LARP4: variants seen among roughly 807,000 people sequenced by gnomAD.
LARP4 encodes la-related protein 4.
A neutral mutation model predicts 92.9 loss-of-function variants in LARP4; 29 were observed. The observed-to-expected ratio is 0.31, with a 90% CI of 0.23 to 0.43. LARP4 has a LOEUF of 0.43. Among genes scored for constraint, LARP4 ranks in the 20% least tolerant of loss-of-function variants. The pLI is 1.00. For missense variants in LARP4, 732 were observed against 860.0 expected (o/e 0.85, Z 1.86); for synonymous variants, 279 against 284.1 (o/e 0.98, Z 0.18).
chr12:50,462,476 CA>C (rs5798139), intron 11 of LARP4, 105 bp from the exon 12 acceptor site: 7,903 of 458,566 alleles, frequency 0.017, no homozygotes, highest in South Asian at 0.024. Flanking sequence ...GACTCCATCT[CA>C]AAAAAAAAAA....
chr12:50,471,067 T>G (rs1222043614), intron 13 of LARP4, among the ~76,000 whole-genome samples: 1 of 152,038 alleles, frequency 6.6e-6, no homozygotes, highest in Non-Finnish European at 1.5e-5. Flanking sequence ...GGTGGGAGGA[T>G]CACTTGAGGC....
At chr12:50,466,885 C>T (rs1593417950) in intron 12 of LARP4, 74 bp from the exon 13 acceptor site, 1 of 1,401,534 alleles carries the variant, frequency 7.1e-7, no homozygotes, top group East Asian at 2.3e-5. Flanking sequence ...TTTTCTTGCA[C>T]CTTTCAGCTT....
Position 50,422,781 on chromosome 12 carries a change from ATATTATTATTATTATTAT to A in LARP4, c.19-4946_19-4929del, listed in dbSNP as rs145036648. Among the ~76,000 whole-genome samples the A allele has an allele frequency of 2.7e-3, 373 of 138,602 alleles. 3 individuals carry two copies. The highest frequency in any genetic ancestry group is 8.6e-3 in the South Asian group (37 of 4,326). 90.9% of individuals were successfully genotyped at this position (138,602 alleles called of 152,430 possible). On this transcript the variant is annotated intron_variant, in intron 1 of 15. Transcript: ENST00000398473. ...CCAACTCTATGCCAGTTGGGAAATT[ATATTATTATTATTATTAT>A]TATTATTATTATTATTATTATTATT...
At chr12:50,450,103 T>G (rs1489870320) in intron 8 of LARP4, among the ~76,000 whole-genome samples, 1 of 151,728 alleles carries the variant, frequency 6.6e-6, no homozygotes, top group Non-Finnish European at 1.5e-5. Flanking sequence ...CCAGCTAATT[T>G]TTTGTGTTTT....
chr12:50,412,506 ATGG>A lies in LARP4; in HGVS notation c.18+11481_18+11483del, dbSNP rs1592783320. 3 of 736,266 alleles carry A rather than the reference ATGG, an allele frequency of 4.1e-6. No homozygotes were observed. In the East Asian group the frequency reaches 3.9e-4, roughly 95 times the overall value. 45.6% of individuals were successfully genotyped at this position (736,266 alleles called of 1,614,324 possible). On this transcript the variant is annotated intron_variant, in intron 1 of 15. Transcript: ENST00000398473. ...CCGAAGAGACGGTTTTACCATATTTATGGTGATTTTCTTCCTAACTCATGGTTC... is the reference window on the plus strand; with the variant it reads ...CCGAAGAGACGGTTTTACCATATTTATGATTTTCTTCCTAACTCATGGTTC...
At chr12:50,411,097 G>A (rs1945805155) in intron 1 of LARP4, among the ~76,000 whole-genome samples, 1 of 152,036 alleles carries the variant, frequency 6.6e-6, no homozygotes, top group Admixed American at 6.6e-5. Flanking sequence ...ATAGTAGTAA[G>A]CTCCTTTTAA....
At chr12:50,438,864 G>A (rs1282215129) in intron 6 of LARP4, among the ~76,000 whole-genome samples, 1 of 152,112 alleles carries the variant, frequency 6.6e-6, no homozygotes, top group Non-Finnish European at 1.5e-5. Context: ...CCATGATAAG[G>A]TGATATACAT....
chr12:50,401,179 G>A (rs550930321), intron 1 of LARP4, 151 bp downstream of exon 1: 1 of 806,322 alleles, frequency 1.2e-6, no homozygotes, highest in South Asian at 1.4e-5. Context: ...CAGGCCTGCA[G>A]CTTCCCTCTG....
chr12:50,453,821 T>C lies in LARP4; in HGVS notation c.1017+149T>C, dbSNP rs568195784. ...TTATTTTTTGTATTTTTCGTAGAGATGGAATTTTGCCATGTTGCCCAGGCT... is the reference window on the plus strand; with the variant it reads ...TTATTTTTTGTATTTTTCGTAGAGACGGAATTTTGCCATGTTGCCCAGGCT... On this transcript the variant is annotated intron_variant, in intron 9 of 15. Transcript: ENST00000398473. 4.3e-4 allele frequency: 255 copies of C among 588,114 alleles called. No homozygotes were observed. The African/African-American group carries it at 4.7e-3, about 11-fold the overall frequency. The allele number at this position is 588,114 out of a possible 1,614,324, so 36.4% of individuals were successfully genotyped here.
chr12:50,419,521 C>CA (rs1206702221), intron 1 of LARP4, among the ~76,000 whole-genome samples: 2 of 152,082 alleles, frequency 1.3e-5, no homozygotes, highest in African/African-American at 4.8e-5. Context: ...CTATTATTTC[C>CA]AAAAAACTCA....
At chr12:50,406,591 A>G (rs573086305) in intron 1 of LARP4, among the ~76,000 whole-genome samples, 1 of 152,244 alleles carries the variant, frequency 6.6e-6, no homozygotes, top group African/African-American at 2.4e-5. Context: ...GGCACACCAT[A>G]GCCTCAAATT....
At chr12:50,457,935 C>CT (rs58926495) in intron 10 of LARP4, among the ~76,000 whole-genome samples, 15,933 of 140,022 alleles carry the variant, frequency 0.11, 1,445 homozygotes, top group East Asian at 0.45. Context: ...CTCAACCCAA[C>CT]TTTTTTTTTT....
chr12:50,474,671 T>A (rs1957355633), intron 15 of LARP4, among the ~76,000 whole-genome samples: 1 of 152,168 alleles, frequency 6.6e-6, no homozygotes, highest in African/African-American at 2.4e-5. Flanking sequence ...TGATTGCTTT[T>A]TTTCTGTTCA....
Position 50,428,057 on chromosome 12 carries a change from G to A in LARP4, c.166+148G>A, listed in dbSNP as rs576342086. The A allele has an allele frequency of 8.0e-5, 40 of 499,812 alleles. No homozygotes were observed. The East Asian group carries it at 9.5e-4, about 12-fold the overall frequency. 31.0% of individuals were successfully genotyped at this position (499,812 alleles called of 1,614,324 possible). ...GTCACCCAGGCTGGAGTACAGTGGC[G>A]CAGTCTTCACTCACTGCAACCTCCA... On this transcript the variant is annotated intron_variant, in intron 2 of 15. Coordinates refer to ENST00000398473, the MANE Select transcript of LARP4 (RefSeq NM_052879.5).
intron 5 of LARP4, 125 bp from the exon 6 acceptor site, chr12:50,437,610 T>G (rs1307545876): frequency 1.2e-5 from 7 of 560,464 alleles, no homozygotes; most frequent in Non-Finnish European, 2.2e-5. Flanking sequence ...CTTAGTTTCT[T>G]TAGGATATTA....
At position 50,421,972 on chromosome 12, in the gene LARP4, A is replaced by ATT. The variant is rs34349709; in HGVS notation, c.19-5776_19-5775dup. On this transcript the variant is annotated intron_variant, in intron 1 of 15. Coordinates refer to ENST00000398473, the MANE Select transcript of LARP4 (RefSeq NM_052879.5). ...AGATATTAATACTTACATTGGTTGGATTTTTTTTTTTTTTTGAGATGGAGT... is the reference window on the plus strand; with the variant it reads ...AGATATTAATACTTACATTGGTTGGATTTTTTTTTTTTTTTTTGAGATGGAGT... 3.3e-4 allele frequency among the ~76,000 whole-genome samples: 46 copies of ATT among 141,420 alleles called. 1 individual carries two copies. The highest frequency in any genetic ancestry group is 2.0e-3 in the South Asian group (9 of 4,478). 92.8% of individuals were successfully genotyped at this position (141,420 alleles called of 152,430 possible).
chr12:50,454,172 TTGCAGAAA>T (rs759810039), intron 9 of LARP4, 134 bp from the exon 10 acceptor site: 2 of 594,988 alleles, frequency 3.4e-6, no homozygotes, highest in Non-Finnish European at 5.9e-6. Flanking sequence ...GAAGTGAATA[TTGCAGAAA>T]TGAATCAGTA....
At chr12:50,454,245 G>T in intron 9 of LARP4, 69 bp from the exon 10 acceptor site, 1 of 1,133,244 alleles carries the variant, frequency 8.8e-7, no homozygotes, top group Non-Finnish European at 1.3e-6. Context: ...GCTCATTAAG[G>T]TTCTTGTGAC....
chr12:50,463,036 G>A (rs1254560634), intron 12 of LARP4, among the ~76,000 whole-genome samples: 1 of 151,974 alleles, frequency 6.6e-6, no homozygotes, highest in African/African-American at 2.4e-5. Context: ...CTTCTAGGGA[G>A]AGGCAGAGGA....
Sources: allele counts gnomAD v4.1 joint callset (sites outside exome capture counted in the v4.1 genomes callset), GRCh38; gene constraint gnomAD v4.1.1; transcripts MANE v1.5; gene names NCBI Gene and HGNC (gene_info 2026-07-23, HGNC 2026-07-21).